ARHGAP15: variants seen among roughly 807,000 people sequenced by gnomAD.
The protein encoded by ARHGAP15 is Rho GTPase activating protein 15, also known as rho GTPase-activating protein 15.
ARHGAP15 carries 51 observed loss-of-function variants against 63.7 expected under a neutral mutation model. The ratio of observed to expected loss-of-function variants is 0.80; its 90% CI spans 0.64 to 1.01. ARHGAP15 has a LOEUF of 1.01. Among genes scored for constraint, ARHGAP15 ranks in the 50% least tolerant of loss-of-function variants. The pLI, the probability that ARHGAP15 is intolerant of heterozygous loss-of-function variation, is 0.00. For synonymous variants in ARHGAP15, 191 were observed against 193.8 expected (o/e 0.99, Z 0.12); for missense variants, 560 against 564.6 (o/e 0.99, Z 0.08).
At chr2:143,165,806 A>AT (rs981076149) in intron 2 of ARHGAP15, among the ~76,000 whole-genome samples, 62 of 152,108 alleles carry the variant, frequency 4.1e-4, no homozygotes, top group African/African-American at 1.3e-3. Context: ...GTAACCTTTC[A>AT]TGGCAACTTC....
chr2:143,508,121 C>A (rs1693405781), intron 9 of ARHGAP15, among the ~76,000 whole-genome samples: 1 of 152,136 alleles, frequency 6.6e-6, no homozygotes, highest in Non-Finnish European at 1.5e-5. Flanking sequence ...AGGGTCCTAC[C>A]TGCTTTGACC....
intron 12 of ARHGAP15, among the ~76,000 whole-genome samples, chr2:143,674,389 C>T (rs1682722228): frequency 1.3e-5 from 2 of 152,140 alleles, no homozygotes; most frequent in Admixed American, 6.6e-5. Context: ...TATATACCTA[C>T]ATTATTCCGT....
intron 13 of ARHGAP15, among the ~76,000 whole-genome samples, chr2:143,720,433 C>G (rs1283363139): frequency 6.6e-6 from 1 of 152,162 alleles, no homozygotes; most frequent in Non-Finnish European, 1.5e-5. Context: ...TGCAGCCCAG[C>G]GAAAGGCCTC....
intron 6 of ARHGAP15, among the ~76,000 whole-genome samples, chr2:143,328,325 G>T (rs1684350364): frequency 6.6e-6 from 1 of 152,072 alleles, no homozygotes; most frequent in Non-Finnish European, 1.5e-5. Flanking sequence ...TGATAGCAAA[G>T]ACTTGGAACC....
At chr2:143,482,282 G>A (rs1214382185) in intron 8 of ARHGAP15, among the ~76,000 whole-genome samples, 4 of 152,016 alleles carry the variant, frequency 2.6e-5, no homozygotes, top group Non-Finnish European at 4.4e-5. Context: ...CTACTCGTTG[G>A]CTTAACATAA....
chr2:143,513,840 T>C (rs1214353836), intron 9 of ARHGAP15, among the ~76,000 whole-genome samples: 1 of 152,148 alleles, frequency 6.6e-6, no homozygotes, highest in African/African-American at 2.4e-5. Context: ...CTTCTTGCCA[T>C]GACAGGTTTA....
chr2:143,662,206 C>T (rs866044520), intron 12 of ARHGAP15, among the ~76,000 whole-genome samples: 6 of 152,240 alleles, frequency 3.9e-5, no homozygotes, highest in African/African-American at 1.4e-4. Context: ...TCCCAGCATG[C>T]AGCTGGAGAT....
intron 13 of ARHGAP15, among the ~76,000 whole-genome samples, chr2:143,759,820 G>A (rs1052631416): frequency 1.3e-5 from 2 of 151,854 alleles, no homozygotes; most frequent in African/African-American, 2.4e-5. Context: ...CTGCTCATTA[G>A]TATTACCTGG....
intron 6 of ARHGAP15, among the ~76,000 whole-genome samples, chr2:143,317,524 TGAC>T (rs1558887818): frequency 6.6e-6 from 1 of 152,210 alleles, no homozygotes; most frequent in African/African-American, 2.4e-5. Flanking sequence ...GATATAGTGA[TGAC>T]ATTATCACAA....
At chr2:143,141,557 A>G (rs1000028027) in intron 1 of ARHGAP15, among the ~76,000 whole-genome samples, 2 of 152,116 alleles carry the variant, frequency 1.3e-5, no homozygotes, top group Non-Finnish European at 2.9e-5. Flanking sequence ...CAGAGAAAAG[A>G]GAGGGAGGAA....
Position 143,566,736 on chromosome 2 carries a change from GC to G in ARHGAP15, c.1003+10257del, listed in dbSNP as rs1415604997. On this transcript the variant is annotated intron_variant, in intron 11 of 13. Transcript: ENST00000295095. ...AGTTTCCAGCAGATCCCCACAAGAT[GC>G]CCCCCTTTCCACAGTCAGGTCACCT... 3.9e-5 allele frequency among the ~76,000 whole-genome samples: 6 copies of G among 152,000 alleles called. No homozygotes were observed. In the East Asian group the frequency reaches 1.2e-3, roughly 29 times the overall value.
chr2:143,164,751 CT>C (rs35246220), intron 2 of ARHGAP15, among the ~76,000 whole-genome samples: 40 of 148,192 alleles, frequency 2.7e-4, no homozygotes, highest in African/African-American at 6.7e-4. Flanking sequence ...ACATTGCATG[CT>C]TTTTTTTTTC....
At chr2:143,657,428 C>T (rs1031672124) in intron 12 of ARHGAP15, among the ~76,000 whole-genome samples, 4 of 152,128 alleles carry the variant, frequency 2.6e-5, no homozygotes, top group Non-Finnish European at 5.9e-5. Context: ...CTGAATACCA[C>T]GCTTATTCAG....
intron 2 of ARHGAP15, among the ~76,000 whole-genome samples, chr2:143,191,113 C>G (rs1691670950): frequency 6.6e-6 from 1 of 152,188 alleles, no homozygotes; most frequent in Admixed American, 6.5e-5. Flanking sequence ...CATTTCCAAT[C>G]AAAAGGTCAG....
intron 10 of ARHGAP15, among the ~76,000 whole-genome samples, chr2:143,544,574 G>A (rs1414675241): frequency 6.6e-6 from 1 of 152,138 alleles, no homozygotes; most frequent in East Asian, 1.9e-4. Flanking sequence ...CCACCTCACA[G>A]AGAATATATG....
intron 1 of ARHGAP15, among the ~76,000 whole-genome samples, chr2:143,153,998 G>A (rs905548557): frequency 6.7e-6 from 1 of 148,700 alleles, no homozygotes; most frequent in Admixed American, 6.7e-5. Context: ...TCCTTTTTAT[G>A]GTTTATTGTT....
intron 9 of ARHGAP15, among the ~76,000 whole-genome samples, chr2:143,497,867 A>C (rs1692887328): frequency 6.6e-6 from 1 of 152,152 alleles, no homozygotes; most frequent in African/African-American, 2.4e-5. Flanking sequence ...CTCACTTATG[A>C]TATGAATGGG....
At chr2:143,523,549 A>G (rs1432288740) in intron 10 of ARHGAP15, among the ~76,000 whole-genome samples, 1 of 152,148 alleles carries the variant, frequency 6.6e-6, no homozygotes, top group Non-Finnish European at 1.5e-5. Flanking sequence ...TTTCTACCCA[A>G]TAATACCAAA....
At chr2:143,429,098 A>G (rs1373022021) in intron 6 of ARHGAP15, among the ~76,000 whole-genome samples, 2 of 152,182 alleles carry the variant, frequency 1.3e-5, no homozygotes, top group Non-Finnish European at 2.9e-5. Flanking sequence ...TGGCTGCTGC[A>G]AAACTGTGGA....
Sources: gnomAD v4.1 joint callset for allele counts (sites outside exome capture counted in the v4.1 genomes callset) on GRCh38, gnomAD v4.1.1 for gene constraint, MANE v1.5 for transcripts, NCBI Gene and HGNC (gene_info 2026-07-23, HGNC 2026-07-21) for gene names.